The following THADA variants were observed in gnomAD, a reference collection of about 807,000 sequenced individuals.
THADA encodes THADA armadillo repeat containing, also known as tRNA (32-2'-O)-methyltransferase regulator THADA.
THADA carries 213 observed loss-of-function variants against 219.8 expected under a neutral mutation model. That is an observed-to-expected ratio of 0.97 (90% CI 0.87 to 1.09). The LOEUF is 1.09. Among genes scored for constraint, THADA ranks in the 50% least tolerant of loss-of-function variants. The probability of loss-of-function intolerance (pLI) is 0.00; values close to 1 mark genes in which losing one functional copy is unlikely to be tolerated. For synonymous variants in THADA, 1,018 were observed against 828.9 expected, an observed-to-expected ratio of 1.23 and a Z score of -3.92; for missense variants, 2,956 against 2,311.3, an observed-to-expected ratio of 1.28 and a Z score of -5.72.
intron 30 of THADA, among the ~76,000 whole-genome samples, chr2:43,323,399 A>G (rs548189157): frequency 6.6e-6 from 1 of 152,220 alleles, no homozygotes; most frequent in South Asian, 2.1e-4. Context: ...TTTTGTCTCT[A>G]GTTTACCCTG....
chr2:43,378,886 G>A (rs977044603), intron 29 of THADA, among the ~76,000 whole-genome samples: 6 of 152,190 alleles, frequency 3.9e-5, no homozygotes, highest in East Asian at 1.9e-4. Flanking sequence ...GATTGCAGAC[G>A]TGAGCCATCG....
chr2:43,405,475 C>T (rs1675425374), intron 28 of THADA, among the ~76,000 whole-genome samples: 1 of 152,176 alleles, frequency 6.6e-6, no homozygotes, highest in Non-Finnish European at 1.5e-5. Flanking sequence ...GCCAAGGTTG[C>T]CAGATTCTCT....
intron 29 of THADA, among the ~76,000 whole-genome samples, chr2:43,354,917 G>A (rs1668712558): frequency 7.3e-6 from 1 of 136,554 alleles, no homozygotes; most frequent in Admixed American, 7.1e-5. Context: ...GGTTTTACAA[G>A]GGGTTTTTCC....
chr2:43,388,869 T>G (rs6739828), intron 29 of THADA, among the ~76,000 whole-genome samples: 68,621 of 151,968 alleles, frequency 0.45, 15,998 homozygotes, highest in African/African-American at 0.52. Flanking sequence ...TTTAAACACA[T>G]TTTTCTTTAG....
rs75925229 is a variant in THADA, at chr2:43,251,215, G to T, written c.5297-18333C>A. ...GAAACACAGTTTTATGCAGAGAGCA[G>T]AGATCAGATCAGATCACAAAGCTGC... is the stretch of plus-strand genomic sequence containing the variant. On this transcript the variant is annotated intron_variant, in intron 36 of 37. Coordinates refer to ENST00000405975, the MANE Select transcript of THADA (RefSeq NM_022065.5). 4.3e-3 allele frequency among the ~76,000 whole-genome samples: 653 copies of T among 152,294 alleles called. 3 individuals carry two copies. The highest frequency in any genetic ancestry group is 7.7e-3 in the Admixed American group (118 of 15,296).
intron 26 of THADA, among the ~76,000 whole-genome samples, chr2:43,436,801 T>G (rs535656660): frequency 2.0e-5 from 3 of 152,368 alleles, no homozygotes; most frequent in African/African-American, 7.2e-5. Context: ...CTCCCCAAAC[T>G]GTAAACAAAT....
intron 28 of THADA, among the ~76,000 whole-genome samples, chr2:43,406,091 C>T (rs1291487931): frequency 6.6e-6 from 1 of 152,204 alleles, no homozygotes; most frequent in African/African-American, 2.4e-5. Flanking sequence ...AATCAGCCTC[C>T]ATCATCTGGA....
chr2:43,401,004 T>G (rs528837321), intron 28 of THADA, among the ~76,000 whole-genome samples: 274 of 152,332 alleles, frequency 1.8e-3, no homozygotes, highest in African/African-American at 6.4e-3. Flanking sequence ...TCTGTCTCTC[T>G]AAGTCTCAGT....
intron 31 of THADA, among the ~76,000 whole-genome samples, chr2:43,297,821 T>TG (rs1171787908): frequency 7.5e-5 from 6 of 80,100 alleles, no homozygotes; most frequent in Admixed American, 6.0e-4. Flanking sequence ...GGGAGGGAGG[T>TG]GGGGGGGGAT....
chr2:43,340,703 T>G (rs1401232296), intron 30 of THADA, among the ~76,000 whole-genome samples: 1 of 152,210 alleles, frequency 6.6e-6, no homozygotes, highest in Non-Finnish European at 1.5e-5. Flanking sequence ...AAAGGAACAT[T>G]TATTTTTCTT....
chr2:43,366,691 A>G (rs545641921), intron 29 of THADA, among the ~76,000 whole-genome samples: 1 of 152,314 alleles, frequency 6.6e-6, no homozygotes, highest in South Asian at 2.1e-4. Flanking sequence ...AAAAATCAAG[A>G]TTCCCTACAT....
intron 31 of THADA, among the ~76,000 whole-genome samples, chr2:43,310,494 G>T (rs1677384754): frequency 6.6e-6 from 1 of 152,144 alleles, no homozygotes; most frequent in Non-Finnish European, 1.5e-5. Context: ...ATGGGGAAAG[G>T]ATAGTCTTTT....
intron 29 of THADA, among the ~76,000 whole-genome samples, chr2:43,372,711 C>T (rs1183493812): frequency 6.6e-6 from 1 of 152,136 alleles, no homozygotes; most frequent in South Asian, 2.1e-4. Context: ...CAAAGTGGCT[C>T]GACTTCCATT....
chr2:43,560,089 G>T, intron 16 of THADA, 145 bp downstream of exon 16: 1 of 592,508 alleles, frequency 1.7e-6, no homozygotes, highest in Non-Finnish European at 2.8e-6. Context: ...CAAAATAGTA[G>T]AGAGGTGTTA....
chr2:43,232,922 T>A, intron 36 of THADA, 40 bp from the exon 37 acceptor site: 1 of 1,565,328 alleles, frequency 6.4e-7, no homozygotes, highest in East Asian at 2.3e-5. Flanking sequence ...AATATACTGC[T>A]CAGGGCCGAC....
intron 16 of THADA, among the ~76,000 whole-genome samples, chr2:43,558,007 A>G (rs568693010): frequency 6.6e-6 from 1 of 152,264 alleles, no homozygotes; most frequent in Non-Finnish European, 1.5e-5. Context: ...GAAAGAACCA[A>G]TTAAGCATCT....
At chr2:43,295,918 G>GTTTT (rs35182242) in intron 31 of THADA, among the ~76,000 whole-genome samples, 8 of 128,354 alleles carry the variant, frequency 6.2e-5, no homozygotes, top group Non-Finnish European at 6.6e-5. Context: ...AACCTCTACT[G>GTTTT]TTTTTTTTTT....
chr2:43,359,011 C>T (rs566646696), intron 29 of THADA, among the ~76,000 whole-genome samples: 1 of 152,218 alleles, frequency 6.6e-6, no homozygotes, highest in African/African-American at 2.4e-5. Context: ...TGCCCTTCCC[C>T]CTCCATCTAG....
intron 30 of THADA, among the ~76,000 whole-genome samples, chr2:43,322,851 A>C (rs1295308164): frequency 2.0e-5 from 3 of 151,434 alleles, no homozygotes; most frequent in Non-Finnish European, 4.4e-5. Flanking sequence ...ACGCCCGGCT[A>C]ATTTTTTGTA....
Sources: gnomAD v4.1 joint callset for allele counts (sites outside exome capture counted in the v4.1 genomes callset) on GRCh38, gnomAD v4.1.1 for gene constraint, MANE v1.5 for transcripts, NCBI Gene and HGNC (gene_info 2026-07-23, HGNC 2026-07-21) for gene names.